ZNF831: variants seen among roughly 807,000 people sequenced by gnomAD.
ZNF831 encodes zinc finger protein 831.
Under a neutral mutation model 95.8 loss-of-function variants are expected in ZNF831, and 59 were observed. The observed-to-expected ratio is 0.62, with a 90% CI of 0.50 to 0.77. ZNF831 has a LOEUF of 0.77. ZNF831 is among the 30% of genes least tolerant of loss of function. The probability of loss-of-function intolerance (pLI) is 0.00; values close to 1 mark genes in which losing one functional copy is unlikely to be tolerated. For synonymous variants in ZNF831, 961 were observed against 925.5 expected, an observed-to-expected ratio of 1.04 and a Z score of -0.70; for missense variants, 2,205 against 2,164.0, an observed-to-expected ratio of 1.02 and a Z score of -0.38.
At chr20:59,166,341 G>A (rs142330973) in intron 1 of ZNF831, among the ~76,000 whole-genome samples, 32 of 152,164 alleles carry the variant, frequency 2.1e-4, no homozygotes, top group Admixed American at 1.2e-3. Flanking sequence ...TTCTATTTAC[G>A]TATTTATTAC....
At chr20:59,237,967 A>C (rs1987096079) in intron 4 of ZNF831, among the ~76,000 whole-genome samples, 1 of 152,104 alleles carries the variant, frequency 6.6e-6, no homozygotes, top group South Asian at 2.1e-4. Flanking sequence ...CAGAATACGT[A>C]ATTTTTTTTT....
At chr20:59,216,325 C>T (rs60707497) in intron 4 of ZNF831, among the ~76,000 whole-genome samples, 1 of 152,354 alleles carries the variant, frequency 6.6e-6, no homozygotes, top group East Asian at 1.9e-4. Flanking sequence ...TCTGCAAAGA[C>T]CCTCCTGGAA....
rs370114930 is a variant in ZNF831, at chr20:59,195,926, T to C, written c.3796T>C (p.Trp1266Arg). 5 of 1,614,148 alleles carry C rather than the reference T, an allele frequency of 3.1e-6. No homozygotes were observed. In the East Asian group the frequency reaches 1.1e-4, roughly 36 times the overall value. The change falls in exon 3 of 6, where the codon TGG becomes CGG. Residue 1266 changes from tryptophan to arginine, a missense_variant. Transcript: ENST00000371030. ...MPQHQVSEPE[W>R]KKGLPWRAKM... is the part of the protein sequence containing the mutation. ...CCAGCACCAGGTGTCTGAGCCAGAATGGAAGAAAGGCCTGCCTTGGAGGGC... is the reference window on the plus strand; with the variant it reads ...CCAGCACCAGGTGTCTGAGCCAGAACGGAAGAAAGGCCTGCCTTGGAGGGC...
At chr20:59,179,719 A>G (rs770589795) in intron 1 of ZNF831, among the ~76,000 whole-genome samples, 2 of 152,062 alleles carry the variant, frequency 1.3e-5, no homozygotes, top group Non-Finnish European at 2.9e-5. Flanking sequence ...TAAGGACACC[A>G]TCAGTCACTG....
chr20:59,168,389 A>G (rs1296569311), intron 1 of ZNF831, among the ~76,000 whole-genome samples: 1 of 150,072 alleles, frequency 6.7e-6, no homozygotes, highest in Non-Finnish European at 1.5e-5. Context: ...ATAGAAATGT[A>G]ATTGACTTTT....
chr20:59,216,012 C>A (rs1023927608), intron 4 of ZNF831, among the ~76,000 whole-genome samples: 122 of 152,322 alleles, frequency 8.0e-4, no homozygotes, highest in African/African-American at 2.8e-3. Flanking sequence ...CTAGTCGAGA[C>A]TTTCTTCTCT....
intron 1 of ZNF831, among the ~76,000 whole-genome samples, chr20:59,175,908 C>G (rs573663902): frequency 7.0e-4 from 106 of 152,316 alleles, no homozygotes; most frequent in African/African-American, 2.4e-3. Context: ...ACTGCTCTGA[C>G]TGGGGAAGAG....
At chr20:59,248,128 C>T (rs985767139) in intron 4 of ZNF831, among the ~76,000 whole-genome samples, 6 of 152,148 alleles carry the variant, frequency 3.9e-5, no homozygotes, top group African/African-American at 9.7e-5. Context: ...AAGAACAGCA[C>T]GGCACAGAGA....
chr20:59,215,187 GA>G (rs1228994018), intron 4 of ZNF831, among the ~76,000 whole-genome samples: 35 of 152,204 alleles, frequency 2.3e-4, no homozygotes, highest in Non-Finnish European at 1.2e-4. Flanking sequence ...TTGCGGAACT[GA>G]ATGGAGAACA....
intron 4 of ZNF831, among the ~76,000 whole-genome samples, chr20:59,237,070 A>G (rs1047143779): frequency 7.2e-5 from 11 of 152,154 alleles, no homozygotes; most frequent in African/African-American, 2.4e-4. Context: ...ATCTTTTCCC[A>G]GTCTCATTTC....
chr20:59,151,289 G>A (rs892565824), intron 2 of ZNF831, among the ~76,000 whole-genome samples: 6 of 152,136 alleles, frequency 3.9e-5, no homozygotes, highest in African/African-American at 1.4e-4. Flanking sequence ...AACCCTTCCT[G>A]AGGCTCCAGC....
At chr20:59,166,492 C>T (rs1981273177) in intron 1 of ZNF831, among the ~76,000 whole-genome samples, 1 of 152,128 alleles carries the variant, frequency 6.6e-6, no homozygotes, top group Non-Finnish European at 1.5e-5. Context: ...AAAATATTGA[C>T]AGTGATATAG....
chr20:59,218,067 C>A (rs1489524433), intron 4 of ZNF831, among the ~76,000 whole-genome samples: 1 of 152,198 alleles, frequency 6.6e-6, no homozygotes, highest in Non-Finnish European at 1.5e-5. Flanking sequence ...CTCAGAGAAG[C>A]CCTGGCCTCC....
intron 4 of ZNF831, among the ~76,000 whole-genome samples, chr20:59,235,042 C>T (rs259974): frequency 0.49 from 73,779 of 151,926 alleles, 19,078 homozygotes; most frequent in African/African-American, 0.67. Flanking sequence ...TAAGGCTCCT[C>T]TCAGCCCCGG....
intron 1 of ZNF831, among the ~76,000 whole-genome samples, chr20:59,187,036 A>T (rs1568746778): frequency 6.6e-6 from 1 of 152,024 alleles, no homozygotes; most frequent in Non-Finnish European, 1.5e-5. Context: ...ACATGATGCT[A>T]CTGATGCTGA....
intron 1 of ZNF831, among the ~76,000 whole-genome samples, chr20:59,168,924 A>AT (rs1981508793): frequency 6.6e-6 from 1 of 152,064 alleles, no homozygotes; most frequent in Admixed American, 6.5e-5. Flanking sequence ...AAGGTGTATA[A>AT]TTTTTTTCTT....
chr20:59,197,856 T>C (rs574120782), intron 3 of ZNF831, among the ~76,000 whole-genome samples: 1 of 152,274 alleles, frequency 6.6e-6, no homozygotes, highest in South Asian at 2.1e-4. Context: ...AGGAGCTGCA[T>C]GCGGGGCTCT....
At chr20:59,223,199 G>T (rs1228855902) in intron 4 of ZNF831, among the ~76,000 whole-genome samples, 1 of 152,118 alleles carries the variant, frequency 6.6e-6, no homozygotes, top group Non-Finnish European at 1.5e-5. Flanking sequence ...GGTGAAAGAA[G>T]AAAAAGGACA....
At chr20:59,235,431 C>T (rs1986948625) in intron 4 of ZNF831, among the ~76,000 whole-genome samples, 1 of 152,084 alleles carries the variant, frequency 6.6e-6, no homozygotes, top group African/African-American at 2.4e-5. Flanking sequence ...CCAGGAGTTT[C>T]CCCACTCACC....
Sources: gnomAD v4.1 joint callset for allele counts (sites outside exome capture counted in the v4.1 genomes callset) on GRCh38, gnomAD v4.1.1 for gene constraint, MANE v1.5 for transcripts, NCBI Gene and HGNC (gene_info 2026-07-23, HGNC 2026-07-21) for gene names.